Variants in USH2A observed in about 807,000 individuals in gnomAD.
USH2A encodes usherin.
USH2A carries 443 observed loss-of-function variants against 538.9 expected under a neutral mutation model. The observed-to-expected ratio is 0.82, with a 90% CI of 0.76 to 0.89. USH2A has a LOEUF of 0.89. USH2A is among the 40% of genes least tolerant of loss of function. The pLI is 0.00. For missense variants in USH2A, 6,633 were observed against 6,324.8 expected, an observed-to-expected ratio of 1.05 and a Z score of -1.65; for synonymous variants, 2,413 against 2,273.5, an observed-to-expected ratio of 1.06 and a Z score of -1.75.
At chr1:216,116,784 G>C (rs890329171) in intron 21 of USH2A, among the ~76,000 whole-genome samples, 3 of 151,838 alleles carry the variant, frequency 2.0e-5, no homozygotes, top group Admixed American at 2.0e-4. Flanking sequence ...AAAAAGTAAG[G>C]GAATAACAAA....
At chr1:215,838,660 C>T (rs937641624) in intron 46 of USH2A, among the ~76,000 whole-genome samples, 1 of 152,140 alleles carries the variant, frequency 6.6e-6, no homozygotes, top group Non-Finnish European at 1.5e-5. Flanking sequence ...AATCATCATT[C>T]ATCCCTTTAA....
intron 19 of USH2A, among the ~76,000 whole-genome samples, chr1:216,195,389 C>G (rs562984731): frequency 6.6e-6 from 1 of 152,200 alleles, no homozygotes; most frequent in African/African-American, 2.4e-5. Flanking sequence ...GGAAAAAAAG[C>G]AGAATTTAGT....
chr1:215,758,467 T>G, intron 58 of USH2A, 128 bp downstream of exon 58: 5 of 1,161,402 alleles, frequency 4.3e-6, no homozygotes, highest in Non-Finnish European at 6.1e-6. Context: ...TAGATTTTTC[T>G]GTTCATATTT....
intron 38 of USH2A, among the ~76,000 whole-genome samples, chr1:215,922,012 G>A (rs2102489196): frequency 6.6e-6 from 1 of 152,130 alleles, no homozygotes; most frequent in South Asian, 2.1e-4. Context: ...TTGTGTTTGT[G>A]AACTCCTAGA....
intron 4 of USH2A, among the ~76,000 whole-genome samples, chr1:216,345,426 G>A (rs6668781): frequency 0.018 from 2,777 of 152,178 alleles, 89 homozygotes; most frequent in African/African-American, 0.061. Context: ...GCTATGATGC[G>A]TCAAGCTGGG....
intron 21 of USH2A, among the ~76,000 whole-genome samples, chr1:216,111,153 G>A (rs181764576): frequency 6.6e-6 from 1 of 152,272 alleles, no homozygotes; most frequent in African/African-American, 2.4e-5. Flanking sequence ...GAATCCTGGA[G>A]GCGGAGGTTG....
intron 4 of USH2A, among the ~76,000 whole-genome samples, chr1:216,336,366 C>T (rs2037974546): frequency 6.6e-6 from 1 of 151,104 alleles, no homozygotes; most frequent in Non-Finnish European, 1.5e-5. Flanking sequence ...CCACTTTTGC[C>T]ACTTCTAGTC....
At chr1:216,297,265 A>G (rs987956586) in intron 9 of USH2A, among the ~76,000 whole-genome samples, 14 of 152,210 alleles carry the variant, frequency 9.2e-5, no homozygotes, top group Middle Eastern at 3.4e-3. Flanking sequence ...GGCCCTCAGC[A>G]AACTTGCCTA....
In USH2A at chr1:215,799,045, AGTACG is replaced by A; in HGVS notation, c.9815_9819del (p.Pro3272LeufsTer15). On this transcript the variant is annotated frameshift_variant, in exon 50 of 72. Transcript: ENST00000307340. LOFTEE classifies it high-confidence loss of function. ...CAGCAAATCTGGTTTCCTGAGGTGG[AGTACG>A]GCATTCTGCCACAGCAGGAATCACC... The A allele has an allele frequency of 6.2e-7, 1 of 1,614,090 alleles. No individual in the cohort carries two copies. The highest frequency in any genetic ancestry group is 8.5e-7 in the Non-Finnish European group (1 of 1,180,008).
chr1:216,097,622 C>T (rs1345002634), intron 21 of USH2A, among the ~76,000 whole-genome samples: 2 of 152,092 alleles, frequency 1.3e-5, no homozygotes, highest in East Asian at 1.9e-4. Context: ...TTTAAAGAAT[C>T]GGTTCAGTAA....
intron 30 of USH2A, among the ~76,000 whole-genome samples, chr1:216,049,224 A>C (rs945407616): frequency 1.3e-5 from 2 of 152,230 alleles, no homozygotes; most frequent in South Asian, 2.1e-4. Context: ...TTAGCAAATT[A>C]GATAATTATG....
chr1:216,017,484 AGTTGGATAT>A, intron 32 of USH2A, among the ~76,000 whole-genome samples: 1 of 152,352 alleles, frequency 6.6e-6, no homozygotes, highest in African/African-American at 2.4e-5. Flanking sequence ...TCTCAGAATT[AGTTGGATAT>A]TTGCTACTAT....
At chr1:216,190,543 T>C (rs1572033317) in intron 19 of USH2A, among the ~76,000 whole-genome samples, 176 bp from the exon 20 acceptor site, 1 of 151,574 alleles carries the variant, frequency 6.6e-6, no homozygotes, top group African/African-American at 2.4e-5. Context: ...CAGGATTTAA[T>C]TGATTATTGT....
chr1:216,309,538 T>C (rs996498062), intron 9 of USH2A, among the ~76,000 whole-genome samples: 2 of 152,162 alleles, frequency 1.3e-5, no homozygotes, highest in Non-Finnish European at 2.9e-5. Flanking sequence ...TTTACTGCCT[T>C]ATTTTGAAAT....
chr1:216,389,766 A>G (rs996353455), intron 3 of USH2A, among the ~76,000 whole-genome samples: 9 of 152,210 alleles, frequency 5.9e-5, no homozygotes, highest in Admixed American at 1.3e-4. Context: ...CTATTTCTAA[A>G]TGTAATGCAA....
chr1:216,365,888 A>T (rs1272433256), intron 3 of USH2A, among the ~76,000 whole-genome samples: 1 of 152,164 alleles, frequency 6.6e-6, no homozygotes, highest in African/African-American at 2.4e-5. Flanking sequence ...TTTGACCCAC[A>T]GGTTGTAGCT....
chr1:215,741,438 A>G lies in USH2A; in HGVS notation c.11648T>C (p.Ile3883Thr), dbSNP rs1226743721. The change falls in exon 60 of 72, where the codon ATA (isoleucine) becomes ACA (threonine). Residue 3883 changes from isoleucine to threonine, a missense_variant. Transcript: ENST00000307340. Reference protein sequence around the residue: ...PVLKALGSACIEIKWMPPEKP... With the variant: ...PVLKALGSACTEIKWMPPEKP... ...TTCAGGTGGCATCCACTTAATCTCT[A>G]TGCAAGCTGACCCCAGTGCCTTAAG... 2 of 1,613,974 alleles carry G rather than the reference A, an allele frequency of 1.2e-6. No individual in the cohort carries two copies. Among genetic ancestry groups the G allele is most frequent in the Non-Finnish European group, 1.7e-6 (2 of 1,180,016 alleles).
At chr1:215,737,129 T>G (rs1660177056) in intron 60 of USH2A, among the ~76,000 whole-genome samples, 1 of 151,908 alleles carries the variant, frequency 6.6e-6, no homozygotes, top group Non-Finnish European at 1.5e-5. Context: ...GATGAGTCAT[T>G]AAAAGAAATT....
intron 32 of USH2A, among the ~76,000 whole-genome samples, chr1:216,037,428 C>T (rs567582488): frequency 3.9e-5 from 6 of 152,248 alleles, no homozygotes; most frequent in East Asian, 1.9e-4. Context: ...TTGCCATGAC[C>T]TTTGCTCTTG....
Sources: allele counts gnomAD v4.1 joint callset (sites outside exome capture counted in the v4.1 genomes callset), GRCh38; gene constraint gnomAD v4.1.1; transcripts MANE v1.5; gene names NCBI Gene and HGNC (gene_info 2026-07-23, HGNC 2026-07-21).